Variants in CDH20 observed in about 807,000 individuals in gnomAD.
CDH20 encodes the protein cadherin 20.
CDH20 carries 29 observed loss-of-function variants against 74.2 expected under a neutral mutation model. That is an observed-to-expected ratio of 0.39 (90% CI 0.29 to 0.53). The LOEUF is 0.53. CDH20 is among the 20% of genes least tolerant of loss of function. The probability of loss-of-function intolerance (pLI) is 0.69; values close to 1 mark genes in which losing one functional copy is unlikely to be tolerated. For missense variants in CDH20, 988 were observed against 1,048.3 expected, an observed-to-expected ratio of 0.94 and a Z score of 0.79; for synonymous variants, 469 against 405.4, an observed-to-expected ratio of 1.16 and a Z score of -1.88.
rs1909061934 is a variant in CDH20, at chr18:61,442,364, A to C, written c.-152-48038A>C. Among the ~76,000 whole-genome samples, 4 of 18,876 alleles carry C rather than the reference A, an allele frequency of 2.1e-4. No individual in the cohort carries two copies. The Admixed American group carries it at 3.8e-3, about 18-fold the overall frequency. The allele number at this position is 18,876 out of a possible 152,430, so 12.4% of individuals were successfully genotyped here. On this transcript the variant is annotated intron_variant, in intron 1 of 11. Transcript: ENST00000262717. ...AGACCCTGTCTTAAAAAAAAGAAAA[A>C]GAAAAGAAAAAAAAAAAAAACAGAA...
chr18:61,377,280 G>C (rs1911269154), intron 1 of CDH20, among the ~76,000 whole-genome samples: 1 of 152,078 alleles, frequency 6.6e-6, no homozygotes, highest in Admixed American at 6.6e-5. Context: ...TAGCCACAAA[G>C]GAGTCTGGGA....
intron 1 of CDH20, among the ~76,000 whole-genome samples, chr18:61,465,362 T>C (rs891165584): frequency 6.6e-5 from 10 of 152,214 alleles, no homozygotes; most frequent in African/African-American, 2.2e-4. Context: ...ATAGTTACAA[T>C]TGTCATTTTT....
rs770153221 is a variant in CDH20, at chr18:61,447,157, G to A, written c.-152-43245G>A. On this transcript the variant is annotated intron_variant, in intron 1 of 11. Transcript: ENST00000262717. ...CTTGAGGGAAAAATTTACACTGAGA[G>A]AGAAACACGAACGTTTGAATATGGG... Among the ~76,000 whole-genome samples the A allele has an allele frequency of 4.6e-5, 7 of 152,194 alleles. No individual in the cohort carries two copies. In the South Asian group the frequency reaches 6.2e-4, roughly 13 times the overall value.
chr18:61,393,176 T>C (rs976970754), intron 1 of CDH20, among the ~76,000 whole-genome samples: 5 of 152,200 alleles, frequency 3.3e-5, no homozygotes, highest in Non-Finnish European at 7.3e-5. Flanking sequence ...TAGTCTCACT[T>C]TCCTGAAAAA....
intron 1 of CDH20, among the ~76,000 whole-genome samples, chr18:61,394,210 C>G (rs1182018110): frequency 6.6e-6 from 1 of 152,072 alleles, no homozygotes; most frequent in Non-Finnish European, 1.5e-5. Context: ...CAATCAAATG[C>G]GAGTGGCCAG....
At chr18:61,415,843 A>C (rs991155291) in intron 1 of CDH20, among the ~76,000 whole-genome samples, 1 of 151,944 alleles carries the variant, frequency 6.6e-6, no homozygotes, top group Non-Finnish European at 1.5e-5. Context: ...TACTATTCTT[A>C]AAAAAAATGA....
At chr18:61,443,983 G>C (rs746095063) in intron 1 of CDH20, among the ~76,000 whole-genome samples, 1 of 151,934 alleles carries the variant, frequency 6.6e-6, no homozygotes, top group African/African-American at 2.4e-5. Flanking sequence ...GCACAGTGTC[G>C]GCAGGAAGTC....
At chr18:61,407,301 G>GGGTC (rs1817270077) in intron 1 of CDH20, among the ~76,000 whole-genome samples, 2 of 152,148 alleles carry the variant, frequency 1.3e-5, no homozygotes, top group African/African-American at 4.8e-5. Context: ...AGACATTCCT[G>GGGTC]GGTCTAAAAC....
intron 1 of CDH20, among the ~76,000 whole-genome samples, chr18:61,468,082 T>G (rs1910029715): frequency 6.6e-6 from 1 of 152,208 alleles, no homozygotes; most frequent in Admixed American, 6.5e-5. Context: ...GCAGCCATAC[T>G]TCCCATCAAG....
At chr18:61,509,697 T>C (rs1911710490) in intron 6 of CDH20, among the ~76,000 whole-genome samples, 1 of 152,078 alleles carries the variant, frequency 6.6e-6, no homozygotes, top group African/African-American at 2.4e-5. Context: ...AAATACTCAG[T>C]AGGCTGTGTT....
chr18:61,361,627 C>T lies in CDH20; in HGVS notation c.-153+27800C>T, dbSNP rs542434142. Among the ~76,000 whole-genome samples, 49 of 152,276 alleles carry T rather than the reference C, an allele frequency of 3.2e-4. 1 individual carries two copies. Among genetic ancestry groups the T allele is most frequent in the African/African-American group, 1.1e-3 (45 of 41,562 alleles). On this transcript the variant is annotated intron_variant, in intron 1 of 11. Coordinates refer to ENST00000262717, the MANE Select transcript of CDH20 (RefSeq NM_031891.4). ...AGGTCACCTAAGTGCCAACCAGTGC[C>T]TGCCCATGACCAGTTAAGTATAGAA... is the stretch of plus-strand genomic sequence containing the variant.
chr18:61,395,968 C>T (rs957794452), intron 1 of CDH20, among the ~76,000 whole-genome samples: 4 of 152,086 alleles, frequency 2.6e-5, no homozygotes, highest in Non-Finnish European at 5.9e-5. Context: ...GACTGTGCAC[C>T]AGCCTTGCAG....
chr18:61,340,654 A>G (rs917338949), intron 1 of CDH20, among the ~76,000 whole-genome samples: 2 of 152,168 alleles, frequency 1.3e-5, no homozygotes, highest in Non-Finnish European at 2.9e-5. Flanking sequence ...TTTCTGAAGG[A>G]CTAGCATACA....
intron 1 of CDH20, among the ~76,000 whole-genome samples, chr18:61,348,927 GA>G: frequency 6.6e-6 from 1 of 152,136 alleles, no homozygotes; most frequent in East Asian, 1.9e-4. Context: ...TGGAAAGGGG[GA>G]AATTTTTCAG....
chr18:61,427,161 A>C (rs1913099682), intron 1 of CDH20, among the ~76,000 whole-genome samples: 1 of 152,176 alleles, frequency 6.6e-6, no homozygotes, highest in African/African-American at 2.4e-5. Flanking sequence ...ATTTCCGTTC[A>C]CTTCCCTAAG....
intron 6 of CDH20, among the ~76,000 whole-genome samples, chr18:61,514,755 T>G (rs1911924205): frequency 6.6e-6 from 1 of 151,964 alleles, no homozygotes. Flanking sequence ...TGGAATACCC[T>G]GCCGTGTGAG....
intron 1 of CDH20, among the ~76,000 whole-genome samples, chr18:61,372,430 T>C (rs556880114): frequency 2.1e-4 from 32 of 152,230 alleles, no homozygotes; most frequent in African/African-American, 6.5e-4. Flanking sequence ...AGCATGTAAA[T>C]ACTCAGGAAA....
At chr18:61,448,022 C>T (rs1909257511) in intron 1 of CDH20, among the ~76,000 whole-genome samples, 1 of 152,162 alleles carries the variant, frequency 6.6e-6, no homozygotes, top group African/African-American at 2.4e-5. Flanking sequence ...ACTTAACTAG[C>T]TATATAAACC....
chr18:61,518,114 C>T (rs955914081), intron 6 of CDH20, among the ~76,000 whole-genome samples: 5 of 152,136 alleles, frequency 3.3e-5, no homozygotes. Context: ...AAGGCAGCAG[C>T]CCCAGTCAGG....
Sources: allele counts gnomAD v4.1 joint callset (sites outside exome capture counted in the v4.1 genomes callset), GRCh38; gene constraint gnomAD v4.1.1; transcripts MANE v1.5; gene names NCBI Gene and HGNC (gene_info 2026-07-23, HGNC 2026-07-21).